The following DNM2 variants were observed in gnomAD, a reference collection of about 807,000 sequenced individuals.
DNM2 encodes dynamin-2.
DNM2 carries 15 observed loss-of-function variants against 99.0 expected under a neutral mutation model. That is an observed-to-expected ratio of 0.15 (90% CI 0.10 to 0.23). The LOEUF (loss-of-function observed/expected upper bound fraction) is 0.23. Among genes scored for constraint, DNM2 ranks in the 10% least tolerant of loss-of-function variants. The pLI, the probability that DNM2 is intolerant of heterozygous loss-of-function variation, is 1.00. For missense variants in DNM2, 742 were observed against 1,189.4 expected, an observed-to-expected ratio of 0.62 and a Z score of 5.53; for synonymous variants, 525 against 481.2, an observed-to-expected ratio of 1.09 and a Z score of -1.19.
intron 15 of DNM2, among the ~76,000 whole-genome samples, chr19:10,814,980 G>C (rs1037579859): frequency 3.9e-5 from 6 of 152,206 alleles, no homozygotes; most frequent in African/African-American, 1.4e-4. Context: ...TCATTGTCCT[G>C]GTTGCTCTGG....
At chr19:10,761,905 A>T (rs1471368649) in intron 2 of DNM2, among the ~76,000 whole-genome samples, 1 of 152,188 alleles carries the variant, frequency 6.6e-6, no homozygotes, top group Non-Finnish European at 1.5e-5. Flanking sequence ...ATGGGCTGCC[A>T]CCTCTGGGTT....
At chr19:10,723,091 G>C (rs1478506487) in intron 1 of DNM2, among the ~76,000 whole-genome samples, 1 of 147,742 alleles carries the variant, frequency 6.8e-6, no homozygotes, top group Non-Finnish European at 1.5e-5. Context: ...TCAGCCTCCC[G>C]AGTAGCTGGG....
At position 10,816,522 on chromosome 19, in the gene DNM2, C is replaced by T. The variant is rs1484440954; in HGVS notation, c.1672-3458C>T. Among the ~76,000 whole-genome samples the T allele has an allele frequency of 6.6e-6, 1 of 152,164 alleles. No homozygotes were observed. Among genetic ancestry groups the T allele is most frequent in the East Asian group, 1.9e-4 (1 of 5,188 alleles). On this transcript the variant is annotated intron_variant, in intron 15 of 20. Coordinates refer to ENST00000389253, the MANE Select transcript of DNM2 (RefSeq NM_001005361.3). This position sits in a 1 kb window ranked among gnomAD's most constrained non-coding sequence, Gnocchi z 4.6. ...GCAGCCTTCTCCCCGCCTCAGGCAC[C>T]TCTAGGAACTCACGTGTCCAGATCG...
intron 1 of DNM2, among the ~76,000 whole-genome samples, chr19:10,756,724 C>T (rs1449700900): frequency 2.6e-5 from 4 of 152,052 alleles, no homozygotes; most frequent in African/African-American, 4.8e-5. Flanking sequence ...GTCTGTAGGG[C>T]GCTCCCCTCT....
Position 10,816,852 on chromosome 19 carries a change from C to T in DNM2, c.1672-3128C>T, listed in dbSNP as rs1333657004. ...TCTCCTCTTCCTTCACGTGAGGGGCCCTTCGTGTTTTTCTCATCTGAGAGT... is the reference window on the plus strand; with the variant it reads ...TCTCCTCTTCCTTCACGTGAGGGGCTCTTCGTGTTTTTCTCATCTGAGAGT... On this transcript the variant is annotated intron_variant, in intron 15 of 20. Coordinates refer to ENST00000389253, the MANE Select transcript of DNM2 (RefSeq NM_001005361.3). The surrounding 1 kb of genome is among the most constrained non-coding windows in gnomAD (Gnocchi z 4.6). Among the ~76,000 whole-genome samples, 1 of 152,218 alleles carries T rather than the reference C, an allele frequency of 6.6e-6. No homozygotes were observed. Among genetic ancestry groups the T allele is most frequent in the Non-Finnish European group, 1.5e-5 (1 of 68,042 alleles).
At chr19:10,723,696 A>G (rs1050250013) in intron 1 of DNM2, among the ~76,000 whole-genome samples, 1 of 152,250 alleles carries the variant, frequency 6.6e-6, no homozygotes, top group Non-Finnish European at 1.5e-5. Flanking sequence ...CGTTCATTAA[A>G]AAATGTTTCC....
At chr19:10,825,304 G>A (rs940287583) in intron 18 of DNM2, 83 bp downstream of exon 18, 6 of 1,583,336 alleles carry the variant, frequency 3.8e-6, no homozygotes, top group African/African-American at 1.3e-5. Flanking sequence ...GGAGGCCAAG[G>A]CGGGCGGATC....
At chr19:10,774,587 C>T (rs892066617) in intron 3 of DNM2, among the ~76,000 whole-genome samples, 6 of 151,962 alleles carry the variant, frequency 3.9e-5, no homozygotes, top group African/African-American at 7.3e-5. Flanking sequence ...CCACCTCACC[C>T]GGCTAATTTT....
At chr19:10,808,789 C>T (rs1209602358) in intron 14 of DNM2, 5 of 509,970 alleles carry the variant, frequency 9.8e-6, no homozygotes, top group Non-Finnish European at 1.7e-5. Context: ...AACTGGACCG[C>T]CACCCTTGAA....
intron 2 of DNM2, among the ~76,000 whole-genome samples, chr19:10,769,786 A>T (rs1013687450): frequency 6.6e-6 from 1 of 152,170 alleles, no homozygotes; most frequent in African/African-American, 2.4e-5. Context: ...ATCCTCCAGC[A>T]GATGTCCTCA....
At chr19:10,779,800 C>G (rs1295050752) in intron 5 of DNM2, among the ~76,000 whole-genome samples, 2 of 152,020 alleles carry the variant, frequency 1.3e-5, no homozygotes, top group South Asian at 4.1e-4. Flanking sequence ...ATTACAGGCA[C>G]TCGCCACCAC....
intron 1 of DNM2, among the ~76,000 whole-genome samples, chr19:10,736,602 T>TTTTGTTTGTTTG (rs372669018): frequency 1.3e-5 from 2 of 150,250 alleles, no homozygotes; most frequent in Admixed American, 1.3e-4. Context: ...GGTATTAGTT[T>TTTTGTTTGTTTG]TTTGTTTGTT....
At chr19:10,753,392 C>A (rs930401184) in intron 1 of DNM2, among the ~76,000 whole-genome samples, 1 of 125,564 alleles carries the variant, frequency 8.0e-6, no homozygotes, top group Non-Finnish European at 1.7e-5. Context: ...TCCCCTTCCC[C>A]CCTCCCCCTT....
intron 15 of DNM2, among the ~76,000 whole-genome samples, chr19:10,814,187 G>A (rs190146972): frequency 1.9e-3 from 288 of 152,268 alleles, no homozygotes; most frequent in Non-Finnish European, 3.5e-3. Flanking sequence ...AAAACAGGCT[G>A]GGCGCAGTGG....
intron 1 of DNM2, among the ~76,000 whole-genome samples, chr19:10,731,178 G>A (rs932563056): frequency 6.6e-6 from 1 of 152,194 alleles, no homozygotes; most frequent in East Asian, 1.9e-4. Flanking sequence ...CCCCAGGGCG[G>A]ATCAGGGAGG....
intron 13 of DNM2, among the ~76,000 whole-genome samples, chr19:10,806,808 T>G (rs1483672197): frequency 1.3e-5 from 2 of 151,894 alleles, no homozygotes; most frequent in Non-Finnish European, 2.9e-5. Flanking sequence ...ATAATAATAA[T>G]AAAGATATAA....
In DNM2 at chr19:10,754,648, G is replaced by A. The variant is rs539136250; in HGVS notation, c.162-5090G>A. On this transcript the variant is annotated intron_variant, in intron 1 of 20. Coordinates refer to ENST00000389253, the MANE Select transcript of DNM2 (RefSeq NM_001005361.3). ...TCTGTTGCCCAGGCTGGAGTGCAACGGCGCAATCATGGCTCACTGCAGCCT... is the reference window on the plus strand; with the variant it reads ...TCTGTTGCCCAGGCTGGAGTGCAACAGCGCAATCATGGCTCACTGCAGCCT... 5.3e-5 allele frequency among the ~76,000 whole-genome samples: 8 copies of A among 151,712 alleles called. No individual in the cohort carries two copies. In the South Asian group the frequency reaches 1.5e-3, roughly 28 times the overall value.
At position 10,765,561 on chromosome 19, in the gene DNM2, A is replaced by G. The variant is rs557134095; in HGVS notation, c.235+5750A>G. Among the ~76,000 whole-genome samples the G allele has an allele frequency of 3.9e-5, 6 of 152,362 alleles. No homozygotes were observed. Among genetic ancestry groups the G allele is most frequent in the African/African-American group, 1.2e-4 (5 of 41,580 alleles). ...TGTGGGCTGGCTGGGATGCCTGCCC[A>G]GGCTGACACCTTCCCAGTGGCAATT... On this transcript the variant is annotated intron_variant, in intron 2 of 20. Coordinates refer to ENST00000389253, the MANE Select transcript of DNM2 (RefSeq NM_001005361.3). The surrounding 1 kb of genome is among the most constrained non-coding windows in gnomAD (Gnocchi z 4.4).
At chr19:10,752,120 AAGTT>A (rs1333070316) in intron 1 of DNM2, among the ~76,000 whole-genome samples, 2 of 152,210 alleles carry the variant, frequency 1.3e-5, no homozygotes, top group Admixed American at 6.5e-5. Flanking sequence ...GTGAACTAGA[AAGTT>A]AGTCTTCTTT....
Sources: gnomAD v4.1 joint callset for allele counts (sites outside exome capture counted in the v4.1 genomes callset) on GRCh38, gnomAD v4.1.1 for gene constraint, Gnocchi (gnomAD v3.1) non-coding constraint, MANE v1.5 for transcripts, NCBI Gene and HGNC (gene_info 2026-07-23, HGNC 2026-07-21) for gene names.